The following SLC9A1 variants were observed in gnomAD, a reference collection of about 807,000 sequenced individuals.
The protein encoded by SLC9A1 is solute carrier family 9 member A1, also known as sodium/hydrogen exchanger 1.
A neutral mutation model predicts 67.9 loss-of-function variants in SLC9A1; 22 were observed. The ratio of observed to expected loss-of-function variants is 0.32; its 90% CI spans 0.23 to 0.46. The LOEUF is 0.46. Ranked by LOEUF, SLC9A1 falls within the 20% of genes least tolerant of loss-of-function variation. The pLI, the probability that SLC9A1 is intolerant of heterozygous loss-of-function variation, is 1.00. For synonymous variants in SLC9A1, 421 were observed against 471.8 expected (o/e 0.89, Z 1.40); for missense variants, 686 against 1,094.8 (o/e 0.63, Z 5.27).
At chr1:27,151,218 C>T (rs1261016898) in intron 1 of SLC9A1, among the ~76,000 whole-genome samples, 1 of 152,150 alleles carries the variant, frequency 6.6e-6, no homozygotes, top group African/African-American at 2.4e-5. Context: ...GATGCATTTG[C>T]TGTAGGTGGT....
chr1:27,120,676 T>C (rs2083299392), intron 1 of SLC9A1, among the ~76,000 whole-genome samples: 2 of 151,018 alleles, frequency 1.3e-5, no homozygotes, highest in Admixed American at 6.6e-5. Flanking sequence ...AGGCAGAGGT[T>C]GCAGTGAGCC....
chr1:27,104,353 A>G (rs921093173), intron 5 of SLC9A1, among the ~76,000 whole-genome samples: 4 of 152,096 alleles, frequency 2.6e-5, no homozygotes, highest in African/African-American at 9.7e-5. Flanking sequence ...AAGTGCTGGG[A>G]TTACAGGCAT....
At position 27,100,287 on chromosome 1, in the gene SLC9A1, G is replaced by A. The variant is rs754816582; in HGVS notation, c.*20C>T. On this transcript the variant is annotated 3_prime_UTR_variant, in exon 12 of 12. Transcript: ENST00000263980. The surrounding 1 kb of genome is among the most constrained non-coding windows in gnomAD (Gnocchi z 5.6). The stretch of plus-strand genomic sequence containing the variant: ...TGGAAGAGTCTGTGAGGGGACAGGC[G>A]CTGCCTGCTGGCCCTGGTGTTACTG... 8.3e-5 allele frequency: 124 copies of A among 1,496,526 alleles called. No individual in the cohort carries two copies. Among genetic ancestry groups the A allele is most frequent in the African/African-American group, 3.1e-4 (22 of 71,150 alleles). 92.7% of individuals were successfully genotyped at this position (1,496,526 alleles called of 1,614,324 possible).
Position 27,100,305 on chromosome 1 carries a change from T to C in SLC9A1, c.*2A>G, listed in dbSNP as rs4266911. Reference sequence around the variant, plus strand: ...GACAGGCGCTGCCTGCTGGCCCTGGTGTTACTGCCCCTTGGGGAAGAACGG... The same window carrying C: ...GACAGGCGCTGCCTGCTGGCCCTGGCGTTACTGCCCCTTGGGGAAGAACGG... On this transcript the variant is annotated 3_prime_UTR_variant, in exon 12 of 12. Coordinates refer to ENST00000263980, the MANE Select transcript of SLC9A1 (RefSeq NM_003047.5). This position sits in a 1 kb window ranked among gnomAD's most constrained non-coding sequence, Gnocchi z 5.6. 0.97 allele frequency: 1,467,388 copies of C among 1,518,694 alleles called. 709,068 individuals are homozygous for C. Among genetic ancestry groups the C allele is most frequent in the East Asian group, 1 (43,840 of 43,842 alleles). 94.1% of individuals were successfully genotyped at this position (1,518,694 alleles called of 1,614,324 possible). A position where few individuals can be genotyped will look rare whatever the true frequency, so the allele number is the denominator to read the frequency against.
rs181287117 is a variant in SLC9A1, at chr1:27,105,440, C to T, written c.1485+445G>A. 1.2e-4 allele frequency: 47 copies of T among 408,592 alleles called. No homozygotes were observed. The East Asian group carries it at 2.1e-3, about 18-fold the overall frequency. The allele number at this position is 408,592 out of a possible 1,614,324, so 25.3% of individuals were successfully genotyped here. A position where few individuals can be genotyped will look rare whatever the true frequency, so the allele number is the denominator to read the frequency against. On this transcript the variant is annotated intron_variant, in intron 5 of 11. Transcript: ENST00000263980. ...TCAGCCTCCCAAGTAGCTGGAATTA[C>T]AGGTATGCATCACCATGCCCACTAA...
intron 3 of SLC9A1, among the ~76,000 whole-genome samples, chr1:27,108,216 C>T (rs2083203407): frequency 6.6e-6 from 1 of 151,722 alleles, no homozygotes; most frequent in Non-Finnish European, 1.5e-5. Flanking sequence ...CAGGTGCCCG[C>T]CACCACGCCT....
intron 1 of SLC9A1, among the ~76,000 whole-genome samples, chr1:27,153,727 A>C (rs1260723445): frequency 6.6e-6 from 1 of 152,214 alleles, no homozygotes; most frequent in Non-Finnish European, 1.5e-5. Flanking sequence ...GAAGGGACCT[A>C]GGATCAGAGG....
chr1:27,106,782 G>T lies in SLC9A1; in HGVS notation c.1283-695C>A, dbSNP rs1240977599. On this transcript the variant is annotated intron_variant, in intron 4 of 11. Transcript: ENST00000263980. The surrounding 1 kb of genome is among the most constrained non-coding windows in gnomAD (Gnocchi z 4.3). The stretch of plus-strand genomic sequence containing the variant: ...CTGCACGTGGCTCTGCATGCGATTC[G>T]GCACATGCTCACGTCACCTGTCTTG... 6.6e-6 allele frequency among the ~76,000 whole-genome samples: 1 copy of T among 152,082 alleles called. No individual in the cohort carries two copies. The highest frequency in any genetic ancestry group is 1.5e-5 in the Non-Finnish European group (1 of 67,938).
Position 27,154,020 on chromosome 1 carries a change from G to A in SLC9A1, c.315C>T (p.Ile105=). The change falls in exon 1 of 12, where the codon ATC becomes ATT. Residue 105 remains isoleucine, a synonymous_variant. Coordinates refer to ENST00000263980, the MANE Select transcript of SLC9A1 (RefSeq NM_003047.5). ...GGCAGGCCAGAAGGATCCAGAGGGA[G>A]ATCTCGAAGGGGGTGCGCACGTGTG... ...DYTHVRTPFE[I]SLWILLACLM... The A allele has an allele frequency of 1.9e-6, 3 of 1,589,222 alleles. No homozygotes were observed. Among genetic ancestry groups the A allele is most frequent in the Non-Finnish European group, 2.6e-6 (3 of 1,163,888 alleles).
intron 3 of SLC9A1, among the ~76,000 whole-genome samples, chr1:27,108,351 G>GTCA: frequency 1.2e-4 from 1 of 8,254 alleles, no homozygotes; most frequent in African/African-American, 3.6e-4. Flanking sequence ...CAGGCGACGA[G>GTCA]CGCATGCCCG....
intron 2 of SLC9A1, among the ~76,000 whole-genome samples, chr1:27,110,392 G>T (rs2083220097): frequency 6.6e-6 from 1 of 152,140 alleles, no homozygotes; most frequent in South Asian, 2.1e-4. Flanking sequence ...TACTGGACTT[G>T]GACTCTCTGG....
chr1:27,103,773 T>C (rs1355423813), intron 5 of SLC9A1: 1 of 185,298 alleles, frequency 5.4e-6, no homozygotes, highest in Non-Finnish European at 1.2e-5. Context: ...GGAAGTGTTC[T>C]AGCATCAATC....
At position 27,109,456 on chromosome 1, in the gene SLC9A1, C is replaced by A. The variant is rs983349101; in HGVS notation, c.1064+71G>T. 23 of 1,541,500 alleles carry A rather than the reference C, an allele frequency of 1.5e-5. 1 individual carries two copies. In the South Asian group the frequency reaches 2.2e-4, roughly 14 times the overall value. On this transcript the variant is annotated intron_variant, in intron 3 of 11. Coordinates refer to ENST00000263980, the MANE Select transcript of SLC9A1 (RefSeq NM_003047.5). This position sits in a 1 kb window ranked among gnomAD's most constrained non-coding sequence, Gnocchi z 5.5. Reference sequence around the variant, plus strand: ...CCTGGGAGCTCCGTGAACCTACGAGCCTGGGGAATCCAAGCTGGCAGCCCC... The same window carrying A: ...CCTGGGAGCTCCGTGAACCTACGAGACTGGGGAATCCAAGCTGGCAGCCCC...
chr1:27,148,549 C>T (rs1163742229), intron 1 of SLC9A1, among the ~76,000 whole-genome samples: 1 of 151,972 alleles, frequency 6.6e-6, no homozygotes, highest in East Asian at 1.9e-4. Flanking sequence ...GTGATTAGTC[C>T]CAGGCATGCT....
chr1:27,100,741 A>C lies in SLC9A1; in HGVS notation c.2111-97T>G. The C allele has an allele frequency of 5.9e-5, 58 of 981,492 alleles. No homozygotes were observed. The highest frequency in any genetic ancestry group is 7.8e-5 in the Non-Finnish European group (51 of 654,216). The allele number at this position is 981,492 out of a possible 1,614,324, so 60.8% of individuals were successfully genotyped here. On this transcript the variant is annotated intron_variant, in intron 11 of 11. Transcript: ENST00000263980. This position sits in a 1 kb window ranked among gnomAD's most constrained non-coding sequence, Gnocchi z 5.6. The stretch of plus-strand genomic sequence containing the variant: ...GTCAGTGCCTCCTTCAGGCCTTCTC[A>C]TGAGCACAGCCGTCCCGGTCCCAAC...
At chr1:27,119,041 GAACA>G (rs1284453971) in intron 1 of SLC9A1, among the ~76,000 whole-genome samples, 15 of 106,648 alleles carry the variant, frequency 1.4e-4, no homozygotes, top group Non-Finnish European at 2.4e-4. Flanking sequence ...TAGCTGGAAC[GAACA>G]CACACACACA....
intron 1 of SLC9A1, among the ~76,000 whole-genome samples, chr1:27,131,868 CAT>C (rs1329146803): frequency 6.9e-6 from 1 of 145,024 alleles, no homozygotes; most frequent in African/African-American, 2.6e-5. Flanking sequence ...TTGCAGTGAG[CAT>C]AGACGGCACC....
At position 27,151,759 on chromosome 1, in the gene SLC9A1, A is replaced by G. The variant is rs539727042; in HGVS notation, c.352+2224T>C. 3.3e-5 allele frequency among the ~76,000 whole-genome samples: 5 copies of G among 152,324 alleles called. No homozygotes were observed. In the South Asian group the frequency reaches 8.3e-4, roughly 25 times the overall value. ...TCCACACTGCAAAGGTGAAGCTGGG[A>G]AAAATGGGCTTTCATTTTTGAGGCC... On this transcript the variant is annotated intron_variant, in intron 1 of 11. Transcript: ENST00000263980.
chr1:27,147,299 C>CAAAAAAAAAAAAAAA (rs57583944), intron 1 of SLC9A1, among the ~76,000 whole-genome samples: 9 of 43,936 alleles, frequency 2.0e-4, no homozygotes, highest in African/African-American at 7.0e-4. Context: ...GACTCTGTCT[C>CAAAAAAAAAAAAAAA]AAAAAAAAAA....
Sources: gnomAD v4.1 joint callset for allele counts (sites outside exome capture counted in the v4.1 genomes callset) on GRCh38, gnomAD v4.1.1 for gene constraint, Gnocchi (gnomAD v3.1) non-coding constraint, MANE v1.5 for transcripts, NCBI Gene and HGNC (gene_info 2026-07-23, HGNC 2026-07-21) for gene names.